The following SCYL3 variants were observed in gnomAD, a reference collection of about 807,000 sequenced individuals.
The protein encoded by SCYL3 is protein-associating with the carboxyl-terminal domain of ezrin.
In SCYL3, 35 loss-of-function variants were observed where a neutral mutation model predicts 73.8. The observed-to-expected ratio is 0.47, with a 90% CI of 0.36 to 0.63. The LOEUF (loss-of-function observed/expected upper bound fraction) is 0.63, where lower values mean the gene tolerates loss of function less well. Among genes scored for constraint, SCYL3 ranks in the 20% least tolerant of loss-of-function variants. SCYL3 has a pLI of 0.00. For missense variants in SCYL3, 712 were observed against 798.9 expected, an observed-to-expected ratio of 0.89 and a Z score of 1.31; for synonymous variants, 277 against 295.2, an observed-to-expected ratio of 0.94 and a Z score of 0.63.
intron 5 of SCYL3, among the ~76,000 whole-genome samples, chr1:169,871,304 C>G (rs58764600): frequency 6.6e-6 from 1 of 152,156 alleles, no homozygotes; most frequent in Non-Finnish European, 1.5e-5. Flanking sequence ...CTTTCCTGCC[C>G]TGTTCTCATG....
chr1:169,887,383 C>G (rs568564181), intron 2 of SCYL3, among the ~76,000 whole-genome samples: 6 of 151,838 alleles, frequency 4.0e-5, no homozygotes, highest in Admixed American at 3.3e-4. Context: ...TTTCTTGGTA[C>G]GTGCACCATA....
At position 169,852,101 on chromosome 1, in the gene SCYL3, A is replaced by C. The variant is rs1456335971; in HGVS notation, c.*1612T>G. 4 of 875,116 alleles carry C rather than the reference A, an allele frequency of 4.6e-6. No homozygotes were observed. The Admixed American group carries it at 8.7e-5, about 19-fold the overall frequency. The allele number at this position is 875,116 out of a possible 1,614,324, so 54.2% of individuals were successfully genotyped here. ...TTTATGGTAGTTGCTTTTAAAATTA[A>C]GAAGTGGGACTACACCATATCAAAT... On this transcript the variant is annotated 3_prime_UTR_variant, in exon 13 of 13. Coordinates refer to ENST00000367771, the MANE Select transcript of SCYL3 (RefSeq NM_020423.7).
chr1:169,856,355 A>C (rs887813845), intron 11 of SCYL3, among the ~76,000 whole-genome samples: 21 of 152,250 alleles, frequency 1.4e-4, no homozygotes, highest in Non-Finnish European at 2.2e-4. Flanking sequence ...GAATACCACA[A>C]AACTATACAC....
chr1:169,850,380 G>C lies in SCYL3; in HGVS notation c.*3333C>G. The C allele has an allele frequency of 6.9e-7, 1 of 1,453,644 alleles. No individual in the cohort carries two copies. Among genetic ancestry groups the C allele is most frequent in the Non-Finnish European group, 9.5e-7 (1 of 1,056,338 alleles). The allele number at this position is 1,453,644 out of a possible 1,614,324, so 90.0% of individuals were successfully genotyped here. On this transcript the variant is annotated 3_prime_UTR_variant, in exon 13 of 13. Transcript: ENST00000367771. ...TTACATGGCTCATGTTTTATTCTTTGTCCTATTTTTTTTTTTCCGAAATTA... is the reference window on the plus strand; with the variant it reads ...TTACATGGCTCATGTTTTATTCTTTCTCCTATTTTTTTTTTTCCGAAATTA...
rs755045871 is a variant in SCYL3, at chr1:169,852,903, T to TG, written c.*809dup. The TG allele has an allele frequency of 1.9e-6, 3 of 1,614,178 alleles. No homozygotes were observed. The highest frequency in any genetic ancestry group is 2.2e-5 in the South Asian group (2 of 91,086). On this transcript the variant is annotated 3_prime_UTR_variant, in exon 13 of 13. Coordinates refer to ENST00000367771, the MANE Select transcript of SCYL3 (RefSeq NM_020423.7). ...CTGAGTCACTACTCCAAAAGGGTCCTGCTCCAGCCTGGCTTTCAATGGAAA... is the reference window on the plus strand; with the variant it reads ...CTGAGTCACTACTCCAAAAGGGTCCTGGCTCCAGCCTGGCTTTCAATGGAAA...
chr1:169,853,727 C>T lies in SCYL3; in HGVS notation c.2053G>A (p.Asp685Asn). Residue 685 changes from aspartate (D) to asparagine (N), a missense_variant, in exon 13 of 13, where the codon GAT (aspartate) becomes AAT (asparagine). By Grantham distance (23) the Asp-to-Asn change is conservative (BLOSUM62 1). Around this residue, in one of 2 missense-constraint regions of SCYL3, gnomAD observed 370 missense variants for 350.8 expected, o/e 1.05. Coordinates refer to ENST00000367771, the MANE Select transcript of SCYL3 (RefSeq NM_020423.7). ...WEEEGELNWE[D>N]NNW ...CACATCTATTGTCACCAGTTATTAT[C>T]TTCCCAGTTCAGCTCCCCTTCTTCT... is the stretch of plus-strand genomic sequence containing the variant. The T allele has an allele frequency of 1.2e-6, 2 of 1,613,656 alleles. No homozygotes were observed. Among genetic ancestry groups the T allele is most frequent in the African/African-American group, 1.3e-5 (1 of 74,998 alleles).
intron 11 of SCYL3, among the ~76,000 whole-genome samples, chr1:169,855,249 T>C (rs190266628): frequency 2.0e-5 from 3 of 152,314 alleles, no homozygotes; most frequent in African/African-American, 7.2e-5. Flanking sequence ...TATATTCACA[T>C]AAATATAGAA....
intron 2 of SCYL3, among the ~76,000 whole-genome samples, chr1:169,881,233 T>C (rs73026213): frequency 0.23 from 35,041 of 152,150 alleles, 4,498 homozygotes; most frequent in Middle Eastern, 0.31. Flanking sequence ...CTACGTTTTA[T>C]GTGACATAGT....
At chr1:169,887,437 C>T (rs1661762065) in intron 2 of SCYL3, among the ~76,000 whole-genome samples, 1 of 151,666 alleles carries the variant, frequency 6.6e-6, no homozygotes, top group Non-Finnish European at 1.5e-5. Flanking sequence ...GAAAAAAATA[C>T]TAAGAAAGAT....
At chr1:169,855,919 TCTGA>T (rs1334896998) in intron 11 of SCYL3, 1 of 1,613,742 alleles carries the variant, frequency 6.2e-7, no homozygotes, top group Non-Finnish European at 8.5e-7. Flanking sequence ...ATTGGCGAGA[TCTGA>T]CTGTGATGGC....
chr1:169,890,556 A>G (rs994205183), intron 1 of SCYL3, among the ~76,000 whole-genome samples: 1 of 152,210 alleles, frequency 6.6e-6, no homozygotes, highest in African/African-American at 2.4e-5. Flanking sequence ...TACACTGGGT[A>G]TGTAATGCTG....
In SCYL3 at chr1:169,852,987, A is replaced by AAACTT. The variant is rs749594616; in HGVS notation, c.*721_*725dup. ...AACGTTACATACATACTCTAGGGTG[A>AAACTT]AACTTATCACTAGGCAGAACTGGGT... On this transcript the variant is annotated 3_prime_UTR_variant, in exon 13 of 13. Transcript: ENST00000367771. 4.3e-6 allele frequency: 7 copies of AAACTT among 1,613,598 alleles called. No individual in the cohort carries two copies. The highest frequency in any genetic ancestry group is 2.2e-5 in the South Asian group (2 of 91,078).
intron 2 of SCYL3, among the ~76,000 whole-genome samples, chr1:169,886,034 C>T (rs72637244): frequency 0.027 from 4,146 of 152,182 alleles, 210 homozygotes; most frequent in East Asian, 0.22. Flanking sequence ...AACCATGGGC[C>T]AGGTACGGTG....
Position 169,854,806 on chromosome 1 carries a change from T to C in SCYL3, c.1471A>G (p.Ile491Val). 5.6e-6 allele frequency: 9 copies of C among 1,614,038 alleles called. No individual in the cohort carries two copies. The highest frequency in any genetic ancestry group is 1.1e-5 in the South Asian group (1 of 91,074). ...CAAGGTTCTCTAGGCCAAATCTGTA[T>C]GTTGACAGTTTGATTTTCAGGCTCC... ...PEEPENQTVN[I>V]QIWPREPCDD... Residue 491 changes from isoleucine to valine, a missense_variant, in exon 12 of 13, where the codon ATA becomes GTA. By Grantham distance (29) the Ile-to-Val change is conservative. This residue lies in a region of SCYL3 where 370 missense variants were observed against 350.8 expected (regional missense o/e 1.05). Coordinates refer to ENST00000367771, the MANE Select transcript of SCYL3 (RefSeq NM_020423.7).
Position 169,870,271 on chromosome 1 carries a change from T to A in SCYL3, c.609A>T (p.Thr203=), listed in dbSNP as rs772693794. 1.9e-6 allele frequency: 3 copies of A among 1,612,788 alleles called. No homozygotes were observed. In the South Asian group the frequency reaches 3.3e-5, roughly 18 times the overall value. Residue 203 remains threonine (T), a synonymous_variant, in exon 6 of 13, where the codon ACA becomes ACT. Coordinates refer to ENST00000367771, the MANE Select transcript of SCYL3 (RefSeq NM_020423.7). The stretch of plus-strand genomic sequence containing the variant: ...CCAACTCACCCTGTTCATTTAAGAT[T>A]GTGAGCAAACTTTCCACCAATGTTC... ...SFGTLVESLL[T]ILNEQVSADV...
chr1:169,868,068 C>T (rs866083505), intron 7 of SCYL3, among the ~76,000 whole-genome samples: 5 of 152,012 alleles, frequency 3.3e-5, no homozygotes, highest in Admixed American at 6.5e-5. Flanking sequence ...TCAAAAAAGA[C>T]GATCATAATG....
chr1:169,876,561 A>G (rs1250858728), intron 3 of SCYL3, among the ~76,000 whole-genome samples: 2 of 152,170 alleles, frequency 1.3e-5, no homozygotes, highest in Admixed American at 1.3e-4. Context: ...CCCACATTCT[A>G]TCACGAACCC....
chr1:169,861,767 T>A (rs1367492489), intron 10 of SCYL3, among the ~76,000 whole-genome samples: 3 of 152,208 alleles, frequency 2.0e-5, no homozygotes, highest in African/African-American at 4.8e-5. Context: ...ACAATTTTTT[T>A]AAAACCTCAT....
intron 2 of SCYL3, among the ~76,000 whole-genome samples, chr1:169,880,443 T>G (rs1477324576): frequency 1.1e-5 from 1 of 92,028 alleles, no homozygotes; most frequent in African/African-American, 3.5e-5. Context: ...GAATGATGAT[T>G]TAAACAACTG....
Sources: gnomAD v4.1 joint callset for allele counts (sites outside exome capture counted in the v4.1 genomes callset) on GRCh38, gnomAD v4.1.1 for gene constraint, gnomAD v4.1.1 regional missense constraint, MANE v1.5 for transcripts, NCBI Gene and HGNC (gene_info 2026-07-23, HGNC 2026-07-21) for gene names.